The following TMEM267 variants were observed in gnomAD, a reference collection of about 807,000 sequenced individuals.
The protein encoded by TMEM267 is transmembrane protein 267, also known as transmembrane protein C5orf28.
Under a neutral mutation model 19.3 loss-of-function variants are expected in TMEM267, and 20 were observed. The ratio of observed to expected loss-of-function variants is 1.04; its 90% confidence interval spans 0.73 to 1.51. The LOEUF (loss-of-function observed/expected upper bound fraction) is 1.51, where lower values mean the gene tolerates loss of function less well. Ranked by LOEUF, TMEM267 falls within the 40% of genes most tolerant of loss-of-function variation. TMEM267 has a pLI of 0.00. For synonymous variants in TMEM267, 88 were observed against 90.3 expected (o/e 0.97, Z 0.15); for missense variants, 242 against 261.9 (o/e 0.92, Z 0.52).
chr5:43,481,216 C>G (rs1241449141), intron 1 of TMEM267, among the ~76,000 whole-genome samples: 2 of 150,696 alleles, frequency 1.3e-5, no homozygotes, highest in Admixed American at 1.3e-4. Flanking sequence ...GCTTCAGCCT[C>G]CTGAGTAGCT....
intron 2 of TMEM267, among the ~76,000 whole-genome samples, chr5:43,447,237 C>T (rs777157127): frequency 6.6e-5 from 10 of 151,998 alleles, no homozygotes; most frequent in South Asian, 2.1e-4. Flanking sequence ...TCATAGGCAC[C>T]TGCCACCATG....
intron 1 of TMEM267, among the ~76,000 whole-genome samples, chr5:43,473,875 C>T (rs1744234248): frequency 6.6e-6 from 1 of 152,152 alleles, no homozygotes; most frequent in Non-Finnish European, 1.5e-5. Flanking sequence ...TACTACAAGG[C>T]TACAGTAACA....
chr5:43,469,796 C>G (rs1743954747), intron 1 of TMEM267, among the ~76,000 whole-genome samples: 1 of 152,142 alleles, frequency 6.6e-6, no homozygotes, highest in African/African-American at 2.4e-5. Context: ...TACATACCTC[C>G]CTCACAATTT....
intron 1 of TMEM267, among the ~76,000 whole-genome samples, chr5:43,455,164 CTGTAA>C (rs898765474): frequency 1.4e-4 from 21 of 152,228 alleles, no homozygotes; most frequent in Admixed American, 1.4e-3. Context: ...TGGCTTACAC[CTGTAA>C]TCCCAACACT....
At chr5:43,468,444 A>G (rs1743878884) in intron 1 of TMEM267, among the ~76,000 whole-genome samples, 1 of 152,174 alleles carries the variant, frequency 6.6e-6, no homozygotes, top group Non-Finnish European at 1.5e-5. Context: ...GCTAAGGGAG[A>G]GTCCATTCAG....
intron 1 of TMEM267, among the ~76,000 whole-genome samples, chr5:43,481,706 T>C (rs1744781114): frequency 6.6e-6 from 1 of 152,152 alleles, no homozygotes; most frequent in Non-Finnish European, 1.5e-5. Context: ...AAGCAGATCC[T>C]TCAGCCCCAG....
chr5:43,459,683 AAAC>A (rs1235460304), intron 1 of TMEM267, among the ~76,000 whole-genome samples: 1 of 152,216 alleles, frequency 6.6e-6, no homozygotes, highest in Non-Finnish European at 1.5e-5. Context: ...CTTACATGTC[AAAC>A]AACAGCAGCA....
intron 1 of TMEM267, among the ~76,000 whole-genome samples, chr5:43,474,334 G>A (rs1184871953): frequency 3.9e-5 from 6 of 152,158 alleles, no homozygotes; most frequent in Admixed American, 3.9e-4. Flanking sequence ...CCTACAGACT[G>A]GGAGAAAATT....
intron 1 of TMEM267, among the ~76,000 whole-genome samples, chr5:43,472,210 T>A (rs750824779): frequency 7.2e-5 from 11 of 152,150 alleles, no homozygotes; most frequent in Non-Finnish European, 1.3e-4. Flanking sequence ...TTTTTGATCA[T>A]CAGAGAAATG....
At chr5:43,458,244 T>A (rs1389870) in intron 1 of TMEM267, among the ~76,000 whole-genome samples, 73,874 of 151,866 alleles carry the variant, frequency 0.49, 18,829 homozygotes, top group Middle Eastern at 0.63. Context: ...GGAATCACAG[T>A]CACAGGCCAC....
intron 1 of TMEM267, among the ~76,000 whole-genome samples, chr5:43,459,668 G>C (rs2112086638): frequency 6.6e-6 from 1 of 152,262 alleles, no homozygotes; most frequent in Non-Finnish European, 1.5e-5. Flanking sequence ...TGGGGTAAGA[G>C]GATGCTTACA....
At chr5:43,474,530 C>T (rs1744290721) in intron 1 of TMEM267, among the ~76,000 whole-genome samples, 1 of 152,134 alleles carries the variant, frequency 6.6e-6, no homozygotes. Context: ...GAGGCTGAGG[C>T]AGGTGGATCA....
At chr5:43,464,816 T>G (rs1369885879) in intron 1 of TMEM267, among the ~76,000 whole-genome samples, 3 of 152,156 alleles carry the variant, frequency 2.0e-5, no homozygotes, top group Non-Finnish European at 4.4e-5. Flanking sequence ...CAAGATGGAT[T>G]AAAGACTTAA....
intron 1 of TMEM267, among the ~76,000 whole-genome samples, chr5:43,481,474 A>G (rs1744760238): frequency 6.6e-6 from 1 of 152,138 alleles, no homozygotes; most frequent in Non-Finnish European, 1.5e-5. Flanking sequence ...GTCGTGAGCA[A>G]AGTGAAAAAT....
Position 43,456,927 on chromosome 5 carries a change from G to T in TMEM267, c.-74-2884C>A, listed in dbSNP as rs1742987092. On this transcript the variant is annotated intron_variant, in intron 1 of 2. Transcript: ENST00000397080. ...CCCAAAAGCTTATGTGTACACAAAG[G>T]CTTACACATGAATGTTCATAGCAGC... Among the ~76,000 whole-genome samples, 9 of 152,306 alleles carry T rather than the reference G, an allele frequency of 5.9e-5. No individual in the cohort carries two copies. The South Asian group carries it at 1.9e-3, about 32-fold the overall frequency.
Position 43,457,215 on chromosome 5 carries a change from G to C in TMEM267, c.-74-3172C>G, listed in dbSNP as rs148098026. Among the ~76,000 whole-genome samples, 1,111 of 152,260 alleles carry C rather than the reference G, an allele frequency of 7.3e-3. 3 individuals are homozygous for C. The highest frequency in any genetic ancestry group is 9.7e-3 in the Non-Finnish European group (661 of 68,010). ...ACATATCAATATTGGTTCCCTACTT[G>C]TATCAAATATACCACACTATTGCAA... On this transcript the variant is annotated intron_variant, in intron 1 of 2. Transcript: ENST00000397080.
At chr5:43,467,892 G>C (rs1743834851) in intron 1 of TMEM267, among the ~76,000 whole-genome samples, 1 of 152,130 alleles carries the variant, frequency 6.6e-6, no homozygotes, top group South Asian at 2.1e-4. Flanking sequence ...CTGTGACCTG[G>C]AAGCCCTCAG....
At chr5:43,456,638 AATAAGT>A (rs1006961305) in intron 1 of TMEM267, among the ~76,000 whole-genome samples, 16 of 152,214 alleles carry the variant, frequency 1.1e-4, no homozygotes, top group African/African-American at 3.9e-4. Flanking sequence ...TCAGATAGCC[AATAAGT>A]ATAAGAAATA....
chr5:43,447,939 G>A lies in TMEM267; in HGVS notation c.313-1382C>T, dbSNP rs1407208013. Among the ~76,000 whole-genome samples the A allele has an allele frequency of 2.6e-5, 4 of 152,158 alleles. 1 individual carries two copies. Among genetic ancestry groups the A allele is most frequent in the South Asian group, 4.1e-4 (2 of 4,832 alleles). Reference sequence around the variant, plus strand: ...GAAAGGTATTGATTCTGGGGGAGACGATGGTAAGAAAGGGAGAGACACTCT... The same window carrying A: ...GAAAGGTATTGATTCTGGGGGAGACAATGGTAAGAAAGGGAGAGACACTCT... On this transcript the variant is annotated intron_variant, in intron 2 of 2. Transcript: ENST00000397080.
Sources: gnomAD v4.1 joint callset for allele counts (sites outside exome capture counted in the v4.1 genomes callset) on GRCh38, gnomAD v4.1.1 for gene constraint, MANE v1.5 for transcripts, NCBI Gene and HGNC (gene_info 2026-07-23, HGNC 2026-07-21) for gene names.